DENND4A: variants seen among roughly 807,000 people sequenced by gnomAD.
DENND4A encodes DENN domain containing 4A.
DENND4A carries 70 observed loss-of-function variants against 199.3 expected under a neutral mutation model. The ratio of observed to expected loss-of-function variants is 0.35; its 90% confidence interval spans 0.29 to 0.43. The LOEUF (loss-of-function observed/expected upper bound fraction) is 0.43. Ranked by LOEUF, DENND4A falls within the 20% of genes least tolerant of loss-of-function variation. The pLI is 1.00. For synonymous variants in DENND4A, 686 were observed against 766.9 expected (o/e 0.89, Z 1.74); for missense variants, 1,723 against 2,255.8 (o/e 0.76, Z 4.78).
chr15:65,764,603 C>T (rs1361381453), intron 1 of DENND4A, among the ~76,000 whole-genome samples: 1 of 152,032 alleles, frequency 6.6e-6, no homozygotes, highest in Non-Finnish European at 1.5e-5. Context: ...TGCACTCCAA[C>T]CTGGGCAATA....
intron 1 of DENND4A, among the ~76,000 whole-genome samples, chr15:65,785,490 TAAA>T (rs745338686): frequency 4.1e-5 from 5 of 121,442 alleles, no homozygotes; most frequent in Non-Finnish European, 1.7e-5. Flanking sequence ...ATCCTGTCTC[TAAA>T]AAAAAAAAAA....
At chr15:65,766,195 G>A (rs533366867) in intron 1 of DENND4A, among the ~76,000 whole-genome samples, 2 of 150,182 alleles carry the variant, frequency 1.3e-5, no homozygotes, top group African/African-American at 2.5e-5. Context: ...AGGTTGTGGT[G>A]AGCTGAGATC....
intron 14 of DENND4A, among the ~76,000 whole-genome samples, chr15:65,706,959 A>C (rs2075084362): frequency 6.6e-6 from 1 of 152,192 alleles, no homozygotes; most frequent in Non-Finnish European, 1.5e-5. Context: ...AATGTTTTGC[A>C]TTTGAATCAT....
rs756244551 is a variant in DENND4A, at chr15:65,669,741, T to C, written c.4787+38A>G. ...CATACTTCTAAAATATGTGTAAATATATGTTGTTAAAATATAGTTCCACAT... is the reference window on the plus strand; with the variant it reads ...CATACTTCTAAAATATGTGTAAATACATGTTGTTAAAATATAGTTCCACAT... On this transcript the variant is annotated intron_variant, in intron 27 of 32. Transcript: ENST00000443035. 17 of 1,527,246 alleles carry C rather than the reference T, an allele frequency of 1.1e-5. No homozygotes were observed. Among genetic ancestry groups the C allele is most frequent in the African/African-American group, 1.4e-5 (1 of 72,280 alleles). 94.6% of individuals were successfully genotyped at this position (1,527,246 alleles called of 1,614,324 possible). A position where few individuals can be genotyped will look rare whatever the true frequency, so the allele number is the denominator to read the frequency against.
At chr15:65,730,425 T>A (rs2075924999) in intron 9 of DENND4A, among the ~76,000 whole-genome samples, 1 of 151,974 alleles carries the variant, frequency 6.6e-6, no homozygotes, top group African/African-American at 2.4e-5. Flanking sequence ...AAAACATATG[T>A]CCACAAAAAA....
intron 7 of DENND4A, among the ~76,000 whole-genome samples, chr15:65,733,782 AC>A (rs2076029444): frequency 6.6e-6 from 1 of 152,088 alleles, no homozygotes; most frequent in Admixed American, 6.5e-5. Context: ...CTATGACCTT[AC>A]CCCCAACGCC....
intron 23 of DENND4A, among the ~76,000 whole-genome samples, chr15:65,678,076 C>T (rs1282000080): frequency 3.3e-5 from 5 of 151,606 alleles, no homozygotes; most frequent in Non-Finnish European, 7.4e-5. Flanking sequence ...TACAGGCGCC[C>T]GCCACCATGC....
At chr15:65,676,672 T>C in intron 23 of DENND4A, 38 bp from the exon 24 acceptor site, 1 of 1,491,880 alleles carries the variant, frequency 6.7e-7, no homozygotes, top group Non-Finnish European at 9.0e-7. Context: ...CTTGTACATT[T>C]AAAGGTAATT....
intron 8 of DENND4A, among the ~76,000 whole-genome samples, chr15:65,732,050 T>G (rs2140398031): frequency 1.3e-5 from 2 of 152,206 alleles, no homozygotes; most frequent in South Asian, 2.1e-4. Flanking sequence ...TGCCTGTTTT[T>G]GTAAATAAGG....
chr15:65,721,701 A>AGTGGTCCTCCCGC (rs2075651639), intron 12 of DENND4A, among the ~76,000 whole-genome samples: 1 of 151,932 alleles, frequency 6.6e-6, no homozygotes, highest in Non-Finnish European at 1.5e-5. Flanking sequence ...CCCAGGCTCA[A>AGTGGTCCTCCCGC]GTGGTCCTCC....
At chr15:65,700,121 T>C (rs2074811917) in intron 20 of DENND4A, among the ~76,000 whole-genome samples, 1 of 152,116 alleles carries the variant, frequency 6.6e-6, no homozygotes, top group African/African-American at 2.4e-5. Context: ...ATACCTTACA[T>C]AACCATAGTA....
At chr15:65,709,719 AATATATATAT>A (rs1555422997) in intron 14 of DENND4A, among the ~76,000 whole-genome samples, 1 of 51,470 alleles carries the variant, frequency 1.9e-5, no homozygotes, top group Non-Finnish European at 3.1e-5. Flanking sequence ...AAAAAAAAAA[AATATATATAT>A]ATATATATAT....
chr15:65,741,670 A>G (rs753188642), intron 5 of DENND4A, 45 bp downstream of exon 5: 1 of 1,548,988 alleles, frequency 6.5e-7, no homozygotes, highest in Admixed American at 1.7e-5. Flanking sequence ...TCCGGGCCCT[A>G]TAATACATTT....
chr15:65,702,380 T>C lies in DENND4A; in HGVS notation c.2355A>G (p.Ser785=). The part of the protein sequence containing the change: ...CLPAYVKVCH[S]KVRALKTAYD... ...ATGCTGTTTTCAGAGCCCTGACTTT[T>C]GAATGACAGACTTTCACATAAGCTG... The change falls in exon 17 of 33, where the codon TCA becomes TCG. Residue 785 remains serine, a synonymous_variant. Coordinates refer to ENST00000443035, the MANE Select transcript of DENND4A (RefSeq NM_001320835.1). The C allele has an allele frequency of 9.6e-6, 15 of 1,557,948 alleles. No individual in the cohort carries two copies. The highest frequency in any genetic ancestry group is 1.3e-5 in the Non-Finnish European group (15 of 1,150,488).
chr15:65,707,965 C>T (rs2075118238), intron 14 of DENND4A, among the ~76,000 whole-genome samples: 1 of 152,082 alleles, frequency 6.6e-6, no homozygotes, highest in Non-Finnish European at 1.5e-5. Flanking sequence ...GGATTACAGG[C>T]ATGAGCCACA....
intron 23 of DENND4A, among the ~76,000 whole-genome samples, chr15:65,684,817 AATT>A (rs2076701053): frequency 1.5e-5 from 2 of 137,402 alleles, no homozygotes; most frequent in Admixed American, 7.3e-5. Flanking sequence ...ATTTTCTTCC[AATT>A]TTTTTTTTTT....
chr15:65,763,167 G>A (rs2076895798), intron 1 of DENND4A, among the ~76,000 whole-genome samples: 1 of 152,086 alleles, frequency 6.6e-6, no homozygotes. Context: ...CACACAAAAT[G>A]AAGTTCAGTA....
chr15:65,790,696 C>G lies in DENND4A; in HGVS notation c.-102+1314G>C, dbSNP rs140649604. 6.6e-3 allele frequency among the ~76,000 whole-genome samples: 1,010 copies of G among 152,132 alleles called. 10 individuals are homozygous for G. The highest frequency in any genetic ancestry group is 6.9e-3 in the Non-Finnish European group (466 of 68,010). ...CCCAAAACAGTTTCCAAAAAAGAAG[C>G]CAAATATAATATTTTATTTTAAGTT... On this transcript the variant is annotated intron_variant, in intron 1 of 32. Coordinates refer to ENST00000443035, the MANE Select transcript of DENND4A (RefSeq NM_001320835.1).
At chr15:65,716,477 T>C (rs927572829) in intron 13 of DENND4A, among the ~76,000 whole-genome samples, 1 of 146,434 alleles carries the variant, frequency 6.8e-6, no homozygotes, top group Non-Finnish European at 1.5e-5. Flanking sequence ...TTCCCACCTA[T>C]GAGTGAGAAC....
Sources: allele counts gnomAD v4.1 joint callset (sites outside exome capture counted in the v4.1 genomes callset), GRCh38; gene constraint gnomAD v4.1.1; transcripts MANE v1.5; gene names NCBI Gene and HGNC (gene_info 2026-07-23, HGNC 2026-07-21).